PLD5: variants seen among roughly 807,000 people sequenced by gnomAD.
PLD5 encodes phospholipase D family member 5.
A neutral mutation model predicts 61.1 loss-of-function variants in PLD5; 36 were observed. That is an observed-to-expected ratio of 0.59 (90% CI 0.45 to 0.78). The LOEUF (loss-of-function observed/expected upper bound fraction) is 0.78. PLD5 is among the 30% of genes least tolerant of loss of function. The pLI is 0.00. For missense variants in PLD5, 515 were observed against 644.4 expected, an observed-to-expected ratio of 0.80 and a Z score of 2.17; for synonymous variants, 243 against 242.8, an observed-to-expected ratio of 1.00 and a Z score of -0.01.
At chr1:242,166,621 G>C (rs889493543) in intron 5 of PLD5, among the ~76,000 whole-genome samples, 2 of 152,198 alleles carry the variant, frequency 1.3e-5, no homozygotes, top group African/African-American at 4.8e-5. Flanking sequence ...ATTTTATTCA[G>C]CAAGTGATTT....
chr1:242,163,923 G>GTGTA lies in PLD5; in HGVS notation c.736-39259_736-39258insTACA, dbSNP rs1553313218. 4.7e-5 allele frequency among the ~76,000 whole-genome samples: 7 copies of GTGTA among 148,230 alleles called. No homozygotes were observed. In the South Asian group the frequency reaches 8.3e-4, roughly 18 times the overall value. Reference sequence around the variant, plus strand: ...AGAGAGTTATAAAATGTGTGTGTGTGTATATATATACATTCCAGCAGATGT... The same window carrying GTGTA: ...AGAGAGTTATAAAATGTGTGTGTGTGTGTATATATATATACATTCCAGCAGATGT... On this transcript the variant is annotated intron_variant, in intron 5 of 9. Transcript: ENST00000536534.
At chr1:242,419,572 A>ATTTTTTTTTTTTT (rs767869905) in intron 1 of PLD5, among the ~76,000 whole-genome samples, 3 of 97,088 alleles carry the variant, frequency 3.1e-5, no homozygotes, top group African/African-American at 4.4e-5. Flanking sequence ...AATTTTTTGC[A>ATTTTTTTTTTTTT]TTTTTTTTTT....
At chr1:242,128,745 G>T (rs2148748726) in intron 5 of PLD5, among the ~76,000 whole-genome samples, 1 of 152,184 alleles carries the variant, frequency 6.6e-6, no homozygotes, top group South Asian at 2.1e-4. Flanking sequence ...AGACCAATAT[G>T]GCCTAGTTAG....
chr1:242,368,090 G>A (rs1009050150), intron 1 of PLD5, among the ~76,000 whole-genome samples: 7 of 152,078 alleles, frequency 4.6e-5, no homozygotes, highest in African/African-American at 1.7e-4. Context: ...ATTGTAAACA[G>A]TAAACAACAA....
chr1:242,414,921 T>A (rs1384603890), intron 1 of PLD5, among the ~76,000 whole-genome samples: 1 of 152,104 alleles, frequency 6.6e-6, no homozygotes, highest in African/African-American at 2.4e-5. Flanking sequence ...AAAAGACCAA[T>A]CACGCTATAG....
chr1:242,528,371 T>A (rs1225877382), upstream of PLD5, among the ~76,000 whole-genome samples: 1 of 152,192 alleles, frequency 6.6e-6, no homozygotes, highest in African/African-American at 2.4e-5. Context: ...TCATTTTCAT[T>A]AGCAGCTATA....
Position 242,100,737 on chromosome 1 carries a change from G to C in PLD5, c.1285C>G (p.Gln429Glu). The C allele has an allele frequency of 6.2e-7, 1 of 1,613,138 alleles. No homozygotes were observed. Among genetic ancestry groups the C allele is most frequent in the South Asian group, 1.1e-5 (1 of 91,048 alleles). The change falls in exon 9 of 10, where the codon CAA becomes GAA. Residue 429 changes from glutamine (Q) to glutamate (E), a missense_variant. Gln to Glu is a conservative substitution (Grantham distance 29). This residue lies in a region of PLD5 where 450 missense variants were observed against 598.1 expected (regional missense o/e 0.75). Transcript: ENST00000536534. ...ERENACATKEQKNHTFPRLNR... is the reference protein window; with the variant it reads ...ERENACATKEEKNHTFPRLNR... ...AACCTAGGAAAGGTGTGATTCTTTT[G>C]TTCTTTTGTAGCACAAGCATTCTCT...
At chr1:242,260,677 A>G (rs1209306429) in intron 4 of PLD5, among the ~76,000 whole-genome samples, 2 of 152,238 alleles carry the variant, frequency 1.3e-5, no homozygotes, top group Non-Finnish European at 2.9e-5. Flanking sequence ...TAACTTTCTA[A>G]AAATACCAAA....
intron 5 of PLD5, among the ~76,000 whole-genome samples, chr1:242,143,932 C>A (rs1176871395): frequency 6.6e-6 from 1 of 151,908 alleles, no homozygotes; most frequent in Non-Finnish European, 1.5e-5. Context: ...ACCTCCCCTG[C>A]CAGGTTCAAG....
At chr1:242,130,083 A>C in intron 5 of PLD5, among the ~76,000 whole-genome samples, 1 of 145,094 alleles carries the variant, frequency 6.9e-6, no homozygotes, top group East Asian at 2.0e-4. Flanking sequence ...ATGGAGTCTC[A>C]CTCTGTCGCC....
chr1:242,515,464 C>G (rs886279306), intron 1 of PLD5, among the ~76,000 whole-genome samples: 4 of 152,206 alleles, frequency 2.6e-5, no homozygotes, highest in Non-Finnish European at 5.9e-5. Flanking sequence ...CCACCTACCT[C>G]GGCCTCCCAA....
At chr1:242,154,687 A>C (rs879051056) in intron 5 of PLD5, among the ~76,000 whole-genome samples, 2 of 152,130 alleles carry the variant, frequency 1.3e-5, no homozygotes, top group Non-Finnish European at 2.9e-5. Flanking sequence ...CATCTCAGGG[A>C]TGAAGCTCAC....
At chr1:242,478,530 T>A (rs1167389721) in intron 1 of PLD5, among the ~76,000 whole-genome samples, 1 of 152,376 alleles carries the variant, frequency 6.6e-6, no homozygotes, top group African/African-American at 2.4e-5. Flanking sequence ...AGAACTGATA[T>A]ACAACTTTCT....
At chr1:242,188,078 A>G (rs1352297915) in intron 5 of PLD5, among the ~76,000 whole-genome samples, 1 of 152,194 alleles carries the variant, frequency 6.6e-6, no homozygotes, top group Admixed American at 6.5e-5. Context: ...AATCAGTCCC[A>G]GAGTAGAGCA....
chr1:242,524,069 G>A lies in PLD5; in HGVS notation c.189+19C>T, dbSNP rs948389490. Reference sequence around the variant, plus strand: ...CGGCAGGTGCCTGGCCGAGGCCCCCGGGAGCGAGTCGCCCTTACGTGCTCC... The same window carrying A: ...CGGCAGGTGCCTGGCCGAGGCCCCCAGGAGCGAGTCGCCCTTACGTGCTCC... On this transcript the variant is annotated intron_variant, in intron 1 of 9. Coordinates refer to ENST00000536534, the MANE Select transcript of PLD5 (RefSeq NM_001372062.1). 45 of 1,528,588 alleles carry A rather than the reference G, an allele frequency of 2.9e-5. No individual in the cohort carries two copies. Among genetic ancestry groups the A allele is most frequent in the Non-Finnish European group, 3.7e-5 (42 of 1,143,244 alleles). The allele number at this position is 1,528,588 out of a possible 1,614,324, so 94.7% of individuals were successfully genotyped here. A position where few individuals can be genotyped will look rare whatever the true frequency, so the allele number is the denominator to read the frequency against.
chr1:242,528,225 G>C (rs1055297610), upstream of PLD5, among the ~76,000 whole-genome samples: 1 of 152,134 alleles, frequency 6.6e-6, no homozygotes, highest in Non-Finnish European at 1.5e-5. Context: ...AGTAAATGGG[G>C]AATAATCATT....
At chr1:242,285,192 A>G (rs1674949292) in intron 3 of PLD5, among the ~76,000 whole-genome samples, 1 of 152,232 alleles carries the variant, frequency 6.6e-6, no homozygotes, top group Non-Finnish European at 1.5e-5. Context: ...AAGTGTTATC[A>G]TCTTTCTACA....
chr1:242,400,357 A>T (rs1456241076), intron 1 of PLD5, among the ~76,000 whole-genome samples: 1 of 144,776 alleles, frequency 6.9e-6, no homozygotes, highest in African/African-American at 2.5e-5. Context: ...TGTTTAATAT[A>T]TAGTGAATAT....
At chr1:242,281,528 TACAC>T (rs61274434) in intron 3 of PLD5, among the ~76,000 whole-genome samples, 1 of 151,816 alleles carries the variant, frequency 6.6e-6, no homozygotes, top group Non-Finnish European at 1.5e-5. Context: ...GAGGGAGATA[TACAC>T]ACACACACGT....
Sources: allele counts gnomAD v4.1 joint callset (sites outside exome capture counted in the v4.1 genomes callset), GRCh38; gene constraint gnomAD v4.1.1; regional missense constraint gnomAD v4.1.1; transcripts MANE v1.5; gene names NCBI Gene and HGNC (gene_info 2026-07-23, HGNC 2026-07-21).